FAM98B: variants seen among roughly 807,000 people sequenced by gnomAD.
FAM98B encodes tRNA splicing ligase complex subunit 3B.
Under a neutral mutation model 43.9 loss-of-function variants are expected in FAM98B, and 32 were observed. That is an observed-to-expected ratio of 0.73 (90% confidence interval 0.55 to 0.98). FAM98B has a LOEUF of 0.98. FAM98B is among the 50% of genes least tolerant of loss of function. The probability of loss-of-function intolerance (pLI) is 0.00; values close to 1 mark genes in which losing one functional copy is unlikely to be tolerated. For synonymous variants in FAM98B, 190 were observed against 174.0 expected (o/e 1.09, Z -0.72); for missense variants, 514 against 522.9 (o/e 0.98, Z 0.17).
At chr15:38,466,933 T>C (rs1245857064) in intron 3 of FAM98B, among the ~76,000 whole-genome samples, 1 of 152,194 alleles carries the variant, frequency 6.6e-6, no homozygotes, top group Non-Finnish European at 1.5e-5. Flanking sequence ...ATCCTTCTCC[T>C]CCTCCTCTTC....
At chr15:38,465,458 C>T in intron 3 of FAM98B, 55 bp downstream of exon 3, 2 of 1,462,452 alleles carry the variant, frequency 1.4e-6, no homozygotes, top group Non-Finnish European at 1.8e-6. Context: ...TTATTATTTT[C>T]AAGTCAAGAT....
chr15:38,468,027 A>G lies in FAM98B; in HGVS notation c.353-2200A>G, dbSNP rs185193643. 2.5e-3 allele frequency among the ~76,000 whole-genome samples: 374 copies of G among 152,294 alleles called. 3 individuals are homozygous for G. Among genetic ancestry groups the G allele is most frequent in the Admixed American group, 0.011 (161 of 15,292 alleles). On this transcript the variant is annotated intron_variant, in intron 3 of 7. Coordinates refer to ENST00000397609, the MANE Select transcript of FAM98B (RefSeq NM_173611.4). ...AAATTAATGGTGATTGCCTCTGGGA[A>G]GGGGGAATCTAAGGATCTGCAAAAG...
intron 6 of FAM98B, among the ~76,000 whole-genome samples, chr15:38,475,002 A>G (rs1482023361): frequency 6.6e-6 from 1 of 152,022 alleles, no homozygotes; most frequent in Non-Finnish European, 1.5e-5. Flanking sequence ...TAGTTGTTTC[A>G]GGTGGGAGAG....
chr15:38,457,886 A>G (rs909461226), intron 1 of FAM98B, among the ~76,000 whole-genome samples: 1 of 152,118 alleles, frequency 6.6e-6, no homozygotes, highest in African/African-American at 2.4e-5. Flanking sequence ...CAAAACTCCT[A>G]CTATCTGACC....
At chr15:38,470,474 G>T in intron 4 of FAM98B, 69 bp downstream of exon 4, 3 of 1,331,894 alleles carry the variant, frequency 2.3e-6, no homozygotes, top group South Asian at 2.9e-5. Flanking sequence ...TATTAAAAAT[G>T]AAACTATTCC....
At chr15:38,472,888 A>G (rs758892971) in intron 4 of FAM98B, among the ~76,000 whole-genome samples, 2 of 152,174 alleles carry the variant, frequency 1.3e-5, no homozygotes, top group Non-Finnish European at 2.9e-5. Flanking sequence ...TTTAGTTAGG[A>G]GGATAAATTA....
chr15:38,473,169 A>G (rs907943092), intron 4 of FAM98B, among the ~76,000 whole-genome samples: 1 of 152,112 alleles, frequency 6.6e-6, no homozygotes, highest in African/African-American at 2.4e-5. Context: ...TTGAAAATTT[A>G]CTAGAAAGTA....
intron 1 of FAM98B, among the ~76,000 whole-genome samples, chr15:38,463,537 AGTAAAGTAAAAT>A (rs1889982531): frequency 6.6e-6 from 1 of 151,426 alleles, no homozygotes. Context: ...AAAATAAAAT[AGTAAAGTAAAAT>A]AAATAAAATA....
Position 38,470,260 on chromosome 15 carries a change from TATTACAGAACA to T in FAM98B, c.388_398del (p.Leu130GlufsTer3). The T allele has an allele frequency of 6.5e-7, 1 of 1,547,938 alleles. No homozygotes were observed. On this transcript the variant is annotated frameshift_variant, in exon 4 of 8. Transcript: ENST00000397609. LOFTEE classifies it high-confidence loss of function. ...AGTACAGAACTTCAAGCTTCACAGATATTACAGAACAAGAAACATAAAAATTCTCAATTAGA... is the reference window on the plus strand; with the variant it reads ...AGTACAGAACTTCAAGCTTCACAGATAGAAACATAAAAATTCTCAATTAGA...
intron 1 of FAM98B, among the ~76,000 whole-genome samples, chr15:38,462,701 CA>C (rs1214883617): frequency 1.3e-5 from 2 of 151,878 alleles, no homozygotes; most frequent in Non-Finnish European, 2.9e-5. Context: ...AAATGTAAAA[CA>C]AAATAAGTAA....
intron 1 of FAM98B, among the ~76,000 whole-genome samples, chr15:38,458,228 A>G (rs1889881442): frequency 6.6e-6 from 1 of 152,154 alleles, no homozygotes; most frequent in African/African-American, 2.4e-5. Flanking sequence ...ATCTTCCCAG[A>G]AATGTCTTAT....
chr15:38,464,344 G>T (rs1488075610), intron 2 of FAM98B, among the ~76,000 whole-genome samples, 167 bp downstream of exon 2: 4 of 152,092 alleles, frequency 2.6e-5, no homozygotes, highest in Admixed American at 6.5e-5. Context: ...TATTAATCCA[G>T]AATTGATATT....
chr15:38,482,818 TG>T (rs1378800873), intron 7 of FAM98B: 13 of 152,334 alleles, frequency 8.5e-5, no homozygotes, highest in Admixed American at 7.2e-4. Context: ...CCTCTGCTCA[TG>T]GCATATAAAG....
Position 38,481,369 on chromosome 15 carries a change from A to T in FAM98B, c.807A>T (p.Ala269=). Residue 269 remains alanine (A), a synonymous_variant, in exon 7 of 8, where the codon GCA becomes GCT. Transcript: ENST00000397609. ...CACCCAAGACAACGATTACAATGGC[A>T]CATCTACTTGCTGCTCGTGAAGATC... is the stretch of plus-strand genomic sequence containing the variant. ...ALSPKTTITM[A]HLLAAREDLS... The T allele has an allele frequency of 6.2e-7, 1 of 1,614,208 alleles. No individual in the cohort carries two copies. The highest frequency in any genetic ancestry group is 1.1e-5 in the South Asian group (1 of 91,080).
chr15:38,476,703 CTT>C (rs375386545), intron 6 of FAM98B, among the ~76,000 whole-genome samples: 56 of 127,726 alleles, frequency 4.4e-4, no homozygotes, highest in Non-Finnish European at 4.7e-4. Flanking sequence ...AGAAACTTTG[CTT>C]TTTTTTTTTT....
intron 1 of FAM98B, among the ~76,000 whole-genome samples, chr15:38,461,399 GTT>G (rs1479759355): frequency 6.6e-6 from 1 of 152,096 alleles, no homozygotes; most frequent in Admixed American, 6.5e-5. Context: ...TTTCCTTATA[GTT>G]GTAGACAGAG....
intron 7 of FAM98B, chr15:38,481,708 C>A: frequency 8.6e-7 from 1 of 1,158,468 alleles, no homozygotes; most frequent in Non-Finnish European, 1.2e-6. Context: ...AAAGCTTTAG[C>A]AAGAATTATG....
chr15:38,484,734 G>A lies in FAM98B; in HGVS notation c.*75G>A, dbSNP rs1890344736. 9.5e-6 allele frequency: 14 copies of A among 1,474,684 alleles called. No individual in the cohort carries two copies. Among genetic ancestry groups the A allele is most frequent in the Non-Finnish European group, 1.2e-5 (14 of 1,123,580 alleles). 91.3% of individuals were successfully genotyped at this position (1,474,684 alleles called of 1,614,324 possible). On this transcript the variant is annotated 3_prime_UTR_variant, in exon 8 of 8. Coordinates refer to ENST00000397609, the MANE Select transcript of FAM98B (RefSeq NM_173611.4). ...AAATAGTGTTCCAAATAACATACTT[G>A]AATATCATCTTTGAAGTAAACACCA...
chr15:38,472,669 C>T (rs1253560634), intron 4 of FAM98B, among the ~76,000 whole-genome samples: 12 of 151,988 alleles, frequency 7.9e-5, no homozygotes, highest in Admixed American at 7.9e-4. Flanking sequence ...ACAGTTACTC[C>T]ACATTACAAC....
Sources: allele counts gnomAD v4.1 joint callset (sites outside exome capture counted in the v4.1 genomes callset), GRCh38; gene constraint gnomAD v4.1.1; transcripts MANE v1.5; gene names NCBI Gene and HGNC (gene_info 2026-07-23, HGNC 2026-07-21).